PLCB4: variants seen among roughly 807,000 people sequenced by gnomAD.
The protein encoded by PLCB4 is phospholipase C beta 4, also known as 1-phosphatidylinositol 4,5-bisphosphate phosphodiesterase beta-4.
PLCB4 carries 77 observed loss-of-function variants against 178.8 expected under a neutral mutation model. The ratio of observed to expected loss-of-function variants is 0.43; its 90% CI spans 0.36 to 0.52. The LOEUF is 0.52. Ranked by LOEUF, PLCB4 falls within the 20% of genes least tolerant of loss-of-function variation. The probability of loss-of-function intolerance (pLI) is 0.00; values close to 1 mark genes in which losing one functional copy is unlikely to be tolerated. For synonymous variants in PLCB4, 496 were observed against 490.8 expected (o/e 1.01, Z -0.14); for missense variants, 1,024 against 1,453.4 (o/e 0.70, Z 4.80).
At chr20:9,472,223 C>A (rs531812861) in intron 36 of PLCB4, among the ~76,000 whole-genome samples, 1 of 152,280 alleles carries the variant, frequency 6.6e-6, no homozygotes, top group East Asian at 1.9e-4. Flanking sequence ...TGTGCCTGGC[C>A]AGCAACATCA....
intron 3 of PLCB4, among the ~76,000 whole-genome samples, chr20:9,224,463 C>G (rs2093838994): frequency 6.6e-6 from 1 of 152,178 alleles, no homozygotes; most frequent in African/African-American, 2.4e-5. Context: ...GGGCAAACAC[C>G]AACCCCAGCT....
intron 8 of PLCB4, among the ~76,000 whole-genome samples, chr20:9,363,344 C>T (rs2148241521): frequency 6.6e-6 from 1 of 152,242 alleles, no homozygotes; most frequent in South Asian, 2.1e-4. Flanking sequence ...TCCTCTGCTG[C>T]ATAAAACTGA....
At chr20:9,200,508 C>T (rs530931877) in intron 2 of PLCB4, among the ~76,000 whole-genome samples, 1 of 152,294 alleles carries the variant, frequency 6.6e-6, no homozygotes, top group South Asian at 2.1e-4. Flanking sequence ...TTAGGTCAGA[C>T]CAGGCAACTA....
At chr20:9,361,296 T>C (rs865921607) in intron 7 of PLCB4, among the ~76,000 whole-genome samples, 6 of 152,180 alleles carry the variant, frequency 3.9e-5, no homozygotes, top group African/African-American at 1.4e-4. Context: ...TTATTCAGCC[T>C]TTAAAAGGGA....
chr20:9,096,094 T>A (rs1382918746), intron 1 of PLCB4, among the ~76,000 whole-genome samples, 193 bp from the exon 2 acceptor site: 1 of 152,166 alleles, frequency 6.6e-6, no homozygotes, highest in Non-Finnish European at 1.5e-5. Context: ...AAGCAAATCA[T>A]TGGAATTAAA....
intron 2 of PLCB4, among the ~76,000 whole-genome samples, chr20:9,124,923 T>G (rs1254178539): frequency 6.6e-6 from 1 of 152,224 alleles, no homozygotes; most frequent in African/African-American, 2.4e-5. Flanking sequence ...TATTATGAAG[T>G]GTTTATATTA....
chr20:9,263,859 A>G (rs778889128), intron 3 of PLCB4, among the ~76,000 whole-genome samples: 7 of 152,206 alleles, frequency 4.6e-5, no homozygotes, highest in Non-Finnish European at 7.3e-5. Context: ...TGAAAAAAGG[A>G]AAGAGAAAAG....
chr20:9,137,351 A>G (rs1306980656), intron 2 of PLCB4, among the ~76,000 whole-genome samples: 1 of 152,116 alleles, frequency 6.6e-6, no homozygotes, highest in Non-Finnish European at 1.5e-5. Flanking sequence ...GTATAAGATA[A>G]TGAGGCATAA....
intron 2 of PLCB4, among the ~76,000 whole-genome samples, chr20:9,144,631 A>G (rs1158577425): frequency 6.8e-6 from 1 of 147,656 alleles, no homozygotes; most frequent in Non-Finnish European, 1.5e-5. Context: ...AATCTCTACA[A>G]AAGAAAAAAA....
chr20:9,297,961 T>A (rs1470255473), intron 3 of PLCB4, among the ~76,000 whole-genome samples: 3 of 152,148 alleles, frequency 2.0e-5, no homozygotes, highest in Non-Finnish European at 4.4e-5. Context: ...TATTGCAGAT[T>A]GAATTAAATT....
At chr20:9,206,311 T>C (rs1429575578) in intron 2 of PLCB4, among the ~76,000 whole-genome samples, 1 of 148,798 alleles carries the variant, frequency 6.7e-6, no homozygotes, top group Non-Finnish European at 1.5e-5. Context: ...TTTTTTTTTT[T>C]TTTTTTTTTT....
At chr20:9,249,211 CT>C (rs926074828) in intron 3 of PLCB4, among the ~76,000 whole-genome samples, 147 of 148,766 alleles carry the variant, frequency 9.9e-4, no homozygotes, top group African/African-American at 2.8e-3. Flanking sequence ...TTAATGCCAG[CT>C]TTTTTTTTTA....
intron 2 of PLCB4, among the ~76,000 whole-genome samples, chr20:9,213,128 C>CTTTTTTTTTTTTTTTTT (rs56785951): frequency 5.6e-5 from 2 of 35,728 alleles, no homozygotes; most frequent in Admixed American, 4.9e-4. Flanking sequence ...CGTTAGCATA[C>CTTTTTTTTTTTTTTTTT]TTTTTTTTTT....
intron 3 of PLCB4, among the ~76,000 whole-genome samples, chr20:9,227,366 C>A (rs1277426120): frequency 6.6e-6 from 1 of 151,940 alleles, no homozygotes; most frequent in Non-Finnish European, 1.5e-5. Flanking sequence ...TATGTTAGAT[C>A]CCTTCATATT....
intron 2 of PLCB4, among the ~76,000 whole-genome samples, chr20:9,204,878 C>T (rs1052723279): frequency 6.6e-5 from 10 of 151,202 alleles, no homozygotes; most frequent in African/African-American, 2.4e-4. Flanking sequence ...GCAGACTATA[C>T]GTTGGATTCC....
At chr20:9,220,174 T>C (rs1263121340) in intron 3 of PLCB4, among the ~76,000 whole-genome samples, 1 of 152,212 alleles carries the variant, frequency 6.6e-6, no homozygotes, top group East Asian at 1.9e-4. Context: ...TGAAGAGGAA[T>C]GCCTTAGTTT....
At chr20:9,459,080 A>G (rs1404423574) in intron 34 of PLCB4, among the ~76,000 whole-genome samples, 1 of 152,254 alleles carries the variant, frequency 6.6e-6, no homozygotes, top group African/African-American at 2.4e-5. Context: ...GTGGTGGCTC[A>G]CGCCTGTAAT....
At chr20:9,183,347 T>G (rs1252343331) in intron 2 of PLCB4, among the ~76,000 whole-genome samples, 1 of 151,824 alleles carries the variant, frequency 6.6e-6, no homozygotes, top group African/African-American at 2.4e-5. Flanking sequence ...GAGGAGGAAG[T>G]GATGAGGGCT....
intron 3 of PLCB4, among the ~76,000 whole-genome samples, chr20:9,288,725 A>G (rs907296257): frequency 6.6e-6 from 1 of 152,030 alleles, no homozygotes; most frequent in East Asian, 1.9e-4. Context: ...ATCAGGCTGA[A>G]GGTAGGAGTT....
Sources: allele counts gnomAD v4.1 joint callset (sites outside exome capture counted in the v4.1 genomes callset), GRCh38; gene constraint gnomAD v4.1.1; transcripts MANE v1.5; gene names NCBI Gene and HGNC (gene_info 2026-07-23, HGNC 2026-07-21).